PTPRD: variants seen among roughly 807,000 people sequenced by gnomAD.
PTPRD encodes the protein protein tyrosine phosphatase receptor type D, also known as receptor-type tyrosine-protein phosphatase delta.
A neutral mutation model predicts 214.5 loss-of-function variants in PTPRD; 34 were observed. The ratio of observed to expected loss-of-function variants is 0.16; its 90% CI spans 0.12 to 0.21. The LOEUF (loss-of-function observed/expected upper bound fraction) is 0.21, where lower values mean the gene tolerates loss of function less well. PTPRD is among the 10% of genes least tolerant of loss of function. The pLI is 1.00. For missense variants in PTPRD, 2,545 were observed against 2,398.7 expected, an observed-to-expected ratio of 1.06 and a Z score of -1.27; for synonymous variants, 1,128 against 845.7, an observed-to-expected ratio of 1.33 and a Z score of -5.79.
At chr9:9,885,029 G>A (rs1476113771) in intron 5 of PTPRD, among the ~76,000 whole-genome samples, 6 of 152,034 alleles carry the variant, frequency 3.9e-5, no homozygotes, top group Non-Finnish European at 5.9e-5. Context: ...TAGAGGAAAG[G>A]AGACATTTAT....
chr9:10,324,790 A>G (rs1381417530), intron 3 of PTPRD, among the ~76,000 whole-genome samples: 1 of 152,088 alleles, frequency 6.6e-6, no homozygotes, highest in South Asian at 2.1e-4. Context: ...GAAATACTCT[A>G]TCAATAATGA....
intron 11 of PTPRD, among the ~76,000 whole-genome samples, chr9:8,915,056 C>T (rs2098775000): frequency 6.6e-6 from 1 of 151,964 alleles, no homozygotes; most frequent in African/African-American, 2.4e-5. Context: ...GTGGTCAGTG[C>T]TAAGAAAGCT....
At position 9,271,597 on chromosome 9, in the gene PTPRD, A is replaced by G. The variant is rs114181510; in HGVS notation, c.-202-88234T>C. On this transcript the variant is annotated intron_variant, in intron 9 of 45. Transcript: ENST00000381196. Reference sequence around the variant, plus strand: ...CTAATTAAATTATTAAAATCTGGATAGCAAGTAGTAGTTAAAAAGCCTGTT... The same window carrying G: ...CTAATTAAATTATTAAAATCTGGATGGCAAGTAGTAGTTAAAAAGCCTGTT... Among the ~76,000 whole-genome samples the G allele has an allele frequency of 4.9e-3, 742 of 151,538 alleles. 8 individuals carry two copies. The highest frequency in any genetic ancestry group is 0.017 in the African/African-American group (696 of 41,464).
chr9:10,384,508 A>G (rs1355879782), intron 2 of PTPRD, among the ~76,000 whole-genome samples: 2 of 151,778 alleles, frequency 1.3e-5, no homozygotes, highest in South Asian at 2.1e-4. Context: ...TTGAAGTACA[A>G]TTGGAAGGAA....
chr9:9,204,251 C>T (rs776953339), intron 9 of PTPRD, among the ~76,000 whole-genome samples: 3 of 152,148 alleles, frequency 2.0e-5, no homozygotes, highest in Non-Finnish European at 4.4e-5. Context: ...ATGCACAGGC[C>T]TTGTTTCATT....
chr9:9,895,354 G>T (rs571848928), intron 5 of PTPRD, among the ~76,000 whole-genome samples: 7 of 149,480 alleles, frequency 4.7e-5, no homozygotes, highest in African/African-American at 1.5e-4. Context: ...TGGGAGGAAA[G>T]AGATGGAGAT....
intron 9 of PTPRD, among the ~76,000 whole-genome samples, chr9:9,303,389 A>T (rs1462018321): frequency 6.6e-6 from 1 of 152,030 alleles, no homozygotes; most frequent in Non-Finnish European, 1.5e-5. Flanking sequence ...GTAAAATACA[A>T]TTATTCAAGT....
chr9:9,986,843 A>G (rs141713862), intron 4 of PTPRD, among the ~76,000 whole-genome samples: 2 of 152,128 alleles, frequency 1.3e-5, no homozygotes, highest in African/African-American at 4.8e-5. Flanking sequence ...TACAATGGGC[A>G]TATAGTTAAC....
intron 9 of PTPRD, among the ~76,000 whole-genome samples, chr9:9,364,284 T>A (rs966573350): frequency 6.6e-6 from 1 of 151,448 alleles, no homozygotes; most frequent in African/African-American, 2.4e-5. Context: ...CACTGTTCTA[T>A]ACCCTGGATT....
At chr9:10,285,041 G>T (rs1474283619) in intron 3 of PTPRD, among the ~76,000 whole-genome samples, 2 of 152,094 alleles carry the variant, frequency 1.3e-5, no homozygotes. Flanking sequence ...TGAAAGTTAT[G>T]AATATTTAAT....
intron 2 of PTPRD, among the ~76,000 whole-genome samples, chr9:10,504,077 C>A (rs900966188): frequency 1.6e-5 from 2 of 121,898 alleles, no homozygotes; most frequent in African/African-American, 6.5e-5. Flanking sequence ...GATCGCGCCA[C>A]TGCACTCCAG....
intron 44 of PTPRD, among the ~76,000 whole-genome samples, chr9:8,330,528 C>T (rs1839180052): frequency 6.6e-6 from 1 of 151,460 alleles, no homozygotes; most frequent in Non-Finnish European, 1.5e-5. Context: ...CCTACAAGCT[C>T]TTTGGTTGGT....
chr9:10,406,914 C>A (rs1359100), intron 2 of PTPRD, among the ~76,000 whole-genome samples: 63,922 of 151,322 alleles, frequency 0.42, 16,980 homozygotes, highest in Middle Eastern at 0.62. Context: ...CACCTATTTA[C>A]TGATTTACTA....
intron 34 of PTPRD, among the ~76,000 whole-genome samples, chr9:8,440,946 A>G (rs1449454742): frequency 6.6e-6 from 1 of 152,204 alleles, no homozygotes; most frequent in Non-Finnish European, 1.5e-5. Flanking sequence ...CCCAGACAGT[A>G]AATAACAACA....
At chr9:9,692,615 T>C (rs2097294186) in intron 7 of PTPRD, among the ~76,000 whole-genome samples, 1 of 149,734 alleles carries the variant, frequency 6.7e-6, no homozygotes, top group African/African-American at 2.5e-5. Context: ...TCTGGATATT[T>C]TGTGATTCTA....
At chr9:10,483,707 A>G (rs2099114869) in intron 2 of PTPRD, among the ~76,000 whole-genome samples, 1 of 152,198 alleles carries the variant, frequency 6.6e-6, no homozygotes, top group Non-Finnish European at 1.5e-5. Context: ...GGGAATTACA[A>G]ATTAAAACTG....
chr9:9,715,935 G>T lies in PTPRD; in HGVS notation c.-287+18598C>A, dbSNP rs193147436. 5.9e-5 allele frequency among the ~76,000 whole-genome samples: 9 copies of T among 152,210 alleles called. No individual in the cohort carries two copies. In the East Asian group the frequency reaches 1.4e-3, roughly 23 times the overall value. On this transcript the variant is annotated intron_variant, in intron 7 of 45. Transcript: ENST00000381196. Reference sequence around the variant, plus strand: ...AGTTACGTATGTATACATGTGCCATGCTGGTGCGCTGCACCCATTAACTCA... The same window carrying T: ...AGTTACGTATGTATACATGTGCCATTCTGGTGCGCTGCACCCATTAACTCA...
chr9:8,522,225 C>G (rs1241082198), intron 19 of PTPRD, among the ~76,000 whole-genome samples: 2 of 152,020 alleles, frequency 1.3e-5, no homozygotes, highest in Non-Finnish European at 2.9e-5. Flanking sequence ...AAGGCATGCA[C>G]AAGATGGAAT....
intron 10 of PTPRD, among the ~76,000 whole-genome samples, chr9:9,040,483 G>C (rs1002853742): frequency 6.6e-6 from 1 of 152,132 alleles, no homozygotes; most frequent in African/African-American, 2.4e-5. Flanking sequence ...TTGGAGTGTA[G>C]AATCTTAGCC....
Sources: gnomAD v4.1 joint callset for allele counts (sites outside exome capture counted in the v4.1 genomes callset) on GRCh38, gnomAD v4.1.1 for gene constraint, MANE v1.5 for transcripts, NCBI Gene and HGNC (gene_info 2026-07-23, HGNC 2026-07-21) for gene names.